The following PRKCE variants were observed in gnomAD, a reference collection of about 807,000 sequenced individuals.
The protein encoded by PRKCE is protein kinase C epsilon, also known as protein kinase C epsilon type.
In PRKCE, 16 loss-of-function variants were observed where a neutral mutation model predicts 85.4. The ratio of observed to expected loss-of-function variants is 0.19; its 90% CI spans 0.13 to 0.28. The LOEUF (loss-of-function observed/expected upper bound fraction) is 0.28, where lower values mean the gene tolerates loss of function less well. Among genes scored for constraint, PRKCE ranks in the 10% least tolerant of loss-of-function variants. The probability of loss-of-function intolerance (pLI) is 1.00; values close to 1 mark genes in which losing one functional copy is unlikely to be tolerated. For missense variants in PRKCE, 573 were observed against 975.2 expected (o/e 0.59, Z 5.49); for synonymous variants, 388 against 371.5 (o/e 1.04, Z -0.51).
intron 13 of PRKCE, among the ~76,000 whole-genome samples, chr2:46,152,112 A>C (rs1192185859): frequency 6.6e-6 from 1 of 152,218 alleles, no homozygotes; most frequent in African/African-American, 2.4e-5. Flanking sequence ...TGTCTTCTGC[A>C]CTATTACTAG....
chr2:45,676,516 G>T lies in PRKCE; in HGVS notation c.348+24068G>T, dbSNP rs139886525. Among the ~76,000 whole-genome samples, 215 of 152,334 alleles carry T rather than the reference G, an allele frequency of 1.4e-3. 1 individual carries two copies. The highest frequency in any genetic ancestry group is 8.8e-4 in the Non-Finnish European group (60 of 68,036). On this transcript the variant is annotated intron_variant, in intron 1 of 14. Coordinates refer to ENST00000306156, the MANE Select transcript of PRKCE (RefSeq NM_005400.3). ...GGAAAACTAAGTTTATAAGACTAGA[G>T]TATGGATAGAGAGGAAGATGGTTCT...
At chr2:46,074,429 C>CAAAAAAAAAAAAAAAAAAAAAAAAACA (rs11287357) in intron 10 of PRKCE, among the ~76,000 whole-genome samples, 27 of 93,702 alleles carry the variant, frequency 2.9e-4, no homozygotes, top group African/African-American at 5.5e-4. Flanking sequence ...CAACAACAAC[C>CAAAAAAAAAAAAAAAAAAAAAAAAACA]AAAAAAAAAA....
chr2:45,815,713 C>T (rs1457317128), intron 1 of PRKCE, among the ~76,000 whole-genome samples: 11 of 152,160 alleles, frequency 7.2e-5, no homozygotes, highest in Non-Finnish European at 1.2e-4. Context: ...CTTTCTATAT[C>T]TTATTTGTAA....
At chr2:46,141,479 G>A (rs1044510001) in intron 11 of PRKCE, among the ~76,000 whole-genome samples, 4 of 152,118 alleles carry the variant, frequency 2.6e-5, no homozygotes, top group East Asian at 1.9e-4. Context: ...AAAAGAAATC[G>A]CCTGTAGAGA....
chr2:45,764,892 C>T (rs1171070528), intron 1 of PRKCE, among the ~76,000 whole-genome samples: 1 of 152,178 alleles, frequency 6.6e-6, no homozygotes, highest in Non-Finnish European at 1.5e-5. Flanking sequence ...TCTTATGTCT[C>T]ACACAATGGT....
intron 14 of PRKCE, among the ~76,000 whole-genome samples, chr2:46,171,960 G>C (rs529344623): frequency 6.6e-6 from 1 of 152,360 alleles, no homozygotes; most frequent in South Asian, 2.1e-4. Context: ...GGACTAGCCT[G>C]GTTTGGGGAT....
chr2:46,053,800 A>G (rs1360642717), intron 10 of PRKCE, among the ~76,000 whole-genome samples: 1 of 152,146 alleles, frequency 6.6e-6, no homozygotes, highest in Non-Finnish European at 1.5e-5. Context: ...CATTTTTGCA[A>G]TTGCGAGTAA....
chr2:45,917,658 T>C (rs913016368), intron 2 of PRKCE, among the ~76,000 whole-genome samples: 3 of 152,232 alleles, frequency 2.0e-5, no homozygotes, highest in Non-Finnish European at 4.4e-5. Context: ...GCCAGTCCCG[T>C]GCCATGCGCC....
At chr2:45,824,562 A>G (rs1689793264) in intron 1 of PRKCE, among the ~76,000 whole-genome samples, 1 of 151,984 alleles carries the variant, frequency 6.6e-6, no homozygotes, top group Non-Finnish European at 1.5e-5. Context: ...ACTTAAGTTG[A>G]CCATTTCCTC....
chr2:46,083,392 C>A (rs1261714112), intron 10 of PRKCE, among the ~76,000 whole-genome samples: 1 of 152,180 alleles, frequency 6.6e-6, no homozygotes, highest in Non-Finnish European at 1.5e-5. Context: ...AAACTGTGTC[C>A]AGTGTTGGTA....
intron 2 of PRKCE, among the ~76,000 whole-genome samples, chr2:45,862,962 C>T (rs1269170801): frequency 6.6e-6 from 1 of 152,224 alleles, no homozygotes; most frequent in African/African-American, 2.4e-5. Context: ...CTTACTCACT[C>T]TCTAATCTAC....
chr2:45,766,806 A>G (rs757654038), intron 1 of PRKCE, among the ~76,000 whole-genome samples: 6 of 152,196 alleles, frequency 3.9e-5, no homozygotes, highest in Non-Finnish European at 5.9e-5. Flanking sequence ...TTGGGAGGCC[A>G]AGGTGGGAGG....
intron 1 of PRKCE, among the ~76,000 whole-genome samples, chr2:45,782,008 C>T (rs1232103874): frequency 6.6e-6 from 1 of 152,038 alleles, no homozygotes; most frequent in Admixed American, 6.6e-5. Context: ...GTTTGAGCCT[C>T]GTTTTTGGTT....
At chr2:46,050,002 C>T (rs1335825864) in intron 10 of PRKCE, among the ~76,000 whole-genome samples, 1 of 151,862 alleles carries the variant, frequency 6.6e-6, no homozygotes, top group African/African-American at 2.4e-5. Flanking sequence ...AAAGCTGGGC[C>T]CACCGACTGA....
chr2:45,754,946 C>T lies in PRKCE; in HGVS notation c.349-88054C>T, dbSNP rs143150356. Among the ~76,000 whole-genome samples the T allele has an allele frequency of 8.5e-5, 13 of 152,334 alleles. No homozygotes were observed. The East Asian group carries it at 2.3e-3, about 27-fold the overall frequency. On this transcript the variant is annotated intron_variant, in intron 1 of 14. Coordinates refer to ENST00000306156, the MANE Select transcript of PRKCE (RefSeq NM_005400.3). The stretch of plus-strand genomic sequence containing the variant: ...ACAGAGACCTGATTGTCAGGGGCTT[C>T]AGGGTCTTTCTACCTCTGGTTCGAG...
chr2:45,754,108 G>T (rs902906325), intron 1 of PRKCE, among the ~76,000 whole-genome samples: 2 of 152,160 alleles, frequency 1.3e-5, no homozygotes, highest in African/African-American at 4.8e-5. Flanking sequence ...AGTGAGCTGG[G>T]GCTAGCTAGT....
At chr2:45,922,425 T>G (rs1375343) in intron 2 of PRKCE, among the ~76,000 whole-genome samples, 45,098 of 152,024 alleles carry the variant, frequency 0.3, 7,018 homozygotes, top group South Asian at 0.35. Context: ...CATCTAGAGT[T>G]GGGGGACACA....
chr2:46,169,346 A>C (rs374255915), intron 14 of PRKCE, among the ~76,000 whole-genome samples: 1 of 152,218 alleles, frequency 6.6e-6, no homozygotes, highest in Non-Finnish European at 1.5e-5. Flanking sequence ...GTGAAGGTTC[A>C]TTAAGTTTCC....
chr2:46,161,724 A>G (rs1195358107), intron 14 of PRKCE, among the ~76,000 whole-genome samples: 1 of 152,082 alleles, frequency 6.6e-6, no homozygotes, highest in Non-Finnish European at 1.5e-5. Context: ...AAGAACCTTA[A>G]TCATAAAAGG....
Sources: allele counts gnomAD v4.1 joint callset (sites outside exome capture counted in the v4.1 genomes callset), GRCh38; gene constraint gnomAD v4.1.1; transcripts MANE v1.5; gene names NCBI Gene and HGNC (gene_info 2026-07-23, HGNC 2026-07-21).